The following DZIP1L variants were observed in gnomAD, a reference collection of about 807,000 sequenced individuals.
DZIP1L encodes the protein cilium assembly protein DZIP1L.
Under a neutral mutation model 88.7 loss-of-function variants are expected in DZIP1L, and 90 were observed. That is an observed-to-expected ratio of 1.02 (90% CI 0.86 to 1.21). The LOEUF (loss-of-function observed/expected upper bound fraction) is 1.21, where lower values mean the gene tolerates loss of function less well. Among genes scored for constraint, DZIP1L ranks in the 50% most tolerant of loss-of-function variants. The pLI, the probability that DZIP1L is intolerant of heterozygous loss-of-function variation, is 0.00. For synonymous variants in DZIP1L, 363 were observed against 372.1 expected, an observed-to-expected ratio of 0.98 and a Z score of 0.28; for missense variants, 932 against 955.8, an observed-to-expected ratio of 0.98 and a Z score of 0.33.
intron 10 of DZIP1L, 183 bp downstream of exon 10, chr3:138,080,384 T>C: frequency 1.8e-6 from 1 of 547,782 alleles, no homozygotes; most frequent in Non-Finnish European, 3.2e-6. Flanking sequence ...GATTGTATGT[T>C]AGTACCTGCA....
chr3:138,109,512 G>A (rs918052386), intron 1 of DZIP1L, among the ~76,000 whole-genome samples: 1 of 152,144 alleles, frequency 6.6e-6, no homozygotes, highest in African/African-American at 2.4e-5. Context: ...CACCATATGG[G>A]AGTGTAAATT....
chr3:138,115,233 C>A (rs1473111522), intron 1 of DZIP1L, 95 bp downstream of exon 1: 3 of 152,242 alleles, frequency 2.0e-5, no homozygotes, highest in Non-Finnish European at 4.4e-5. Flanking sequence ...GTTTAACCTC[C>A]CGAATCGCTG....
At chr3:138,104,144 T>A in intron 1 of DZIP1L, 92 bp from the exon 2 acceptor site, 1 of 1,213,856 alleles carries the variant, frequency 8.2e-7, no homozygotes, top group African/African-American at 1.5e-5. Flanking sequence ...CGGGGCAAAG[T>A]GAGGTGTCTG....
At chr3:138,084,392 A>C in intron 7 of DZIP1L, 139 bp from the exon 8 acceptor site, 2 of 1,193,802 alleles carry the variant, frequency 1.7e-6, no homozygotes, top group Non-Finnish European at 2.3e-6. Context: ...CTTTCTAACA[A>C]GACAACCTTC....
intron 3 of DZIP1L, among the ~76,000 whole-genome samples, chr3:138,096,155 C>T (rs1398206916): frequency 1.3e-5 from 2 of 152,066 alleles, no homozygotes; most frequent in South Asian, 4.1e-4. Context: ...TGATTTGAGG[C>T]GACTGTGGAA....
intron 11 of DZIP1L, among the ~76,000 whole-genome samples, 188 bp from the exon 12 acceptor site, chr3:138,072,023 G>A (rs1943205262): frequency 6.6e-6 from 1 of 152,214 alleles, no homozygotes; most frequent in African/African-American, 2.4e-5. Context: ...TGCTGAAAGT[G>A]CAATGGTTCA....
At chr3:138,107,254 T>C (rs2042521930) in intron 1 of DZIP1L, among the ~76,000 whole-genome samples, 1 of 152,214 alleles carries the variant, frequency 6.6e-6, no homozygotes, top group Non-Finnish European at 1.5e-5. Context: ...TCACGAAGAC[T>C]CTGCCCTCAT....
In DZIP1L at chr3:138,067,565, C is replaced by T. The variant is rs201584477; in HGVS notation, c.1968G>A (p.Ser656=). The change falls in exon 14 of 16, where the codon TCG becomes TCA. Residue 656 remains serine, a synonymous_variant. Coordinates refer to ENST00000327532, the MANE Select transcript of DZIP1L (RefSeq NM_173543.3). ...DDWDWSDTET[S]EENAQPPGQG... Reference sequence around the variant, plus strand: ...GGCCAGGGGGCTGGGCATTCTCCTCCGAGGTCTCTGTGTCAGACCAGTCCC... The same window carrying T: ...GGCCAGGGGGCTGGGCATTCTCCTCTGAGGTCTCTGTGTCAGACCAGTCCC... 67 of 1,610,480 alleles carry T rather than the reference C, an allele frequency of 4.2e-5. No homozygotes were observed. The East Asian group carries it at 6.5e-4, about 16-fold the overall frequency.
intron 3 of DZIP1L, 150 bp downstream of exon 3, chr3:138,097,613 G>A (rs918810479): frequency 1.0e-5 from 7 of 696,572 alleles, no homozygotes; most frequent in South Asian, 4.1e-5. Flanking sequence ...GGGCTCCCCC[G>A]GTGGTGGATG....
chr3:138,064,316 A>G, intron 15 of DZIP1L: 1 of 1,212,276 alleles, frequency 8.2e-7, no homozygotes. Flanking sequence ...CTGGAAGAGC[A>G]GCTGCTGCAG....
chr3:138,108,311 C>T (rs1329297668), intron 1 of DZIP1L: 6 of 778,496 alleles, frequency 7.7e-6, no homozygotes, highest in African/African-American at 1.9e-5. Context: ...GGTAATAAGA[C>T]ACCTGCTTCC....
At chr3:138,097,652 GTGAGGTT>G (rs1944541983) in intron 3 of DZIP1L, 104 bp downstream of exon 3, 2 of 978,938 alleles carry the variant, frequency 2.0e-6, no homozygotes, top group South Asian at 1.6e-5. Context: ...CAATTGGACA[GTGAGGTT>G]CTGAGAGCAG....
intron 11 of DZIP1L, among the ~76,000 whole-genome samples, chr3:138,075,785 C>G (rs1387270560): frequency 2.0e-5 from 3 of 152,110 alleles, no homozygotes; most frequent in Non-Finnish European, 2.9e-5. Flanking sequence ...CGAGACCATC[C>G]TGGCAAACAT....
intron 9 of DZIP1L, 21 bp downstream of exon 9, chr3:138,081,713 C>T: frequency 6.2e-7 from 1 of 1,609,352 alleles, no homozygotes; most frequent in Admixed American, 1.7e-5. Flanking sequence ...CTGCTACACA[C>T]TGCCCTGTGT....
intron 4 of DZIP1L, among the ~76,000 whole-genome samples, chr3:138,094,064 A>G (rs1944357389): frequency 6.6e-6 from 1 of 152,164 alleles, no homozygotes; most frequent in African/African-American, 2.4e-5. Context: ...AATCATTTCT[A>G]CCTTTTGATT....
Position 138,081,764 on chromosome 3 carries a change from T to A in DZIP1L, c.1204A>T (p.Ile402Phe), listed in dbSNP as rs200209176. The A allele has an allele frequency of 6.2e-7, 1 of 1,613,356 alleles. No homozygotes were observed. Among genetic ancestry groups the A allele is most frequent in the Non-Finnish European group, 8.5e-7 (1 of 1,179,580 alleles). Residue 402 changes from isoleucine (I) to phenylalanine (F), a missense_variant and splice_region_variant, in exon 9 of 16, where the codon ATC (isoleucine) becomes TTC (phenylalanine). Transcript: ENST00000327532. ...ARIIASQEEM[I>F]QSLSLRKVEG... ...ACCTTCCTGAGAGACAAGGACTGGATCTGCAAAGAGGTGGAATAGAGCGGG... is the reference window on the plus strand; with the variant it reads ...ACCTTCCTGAGAGACAAGGACTGGAACTGCAAAGAGGTGGAATAGAGCGGG...
chr3:138,088,546 C>G, intron 5 of DZIP1L, 39 bp from the exon 6 acceptor site: 1 of 1,603,896 alleles, frequency 6.2e-7, no homozygotes, highest in Non-Finnish European at 8.5e-7. Flanking sequence ...AGATGAAGAT[C>G]TCATCATGAT....
chr3:138,084,336 G>GC, intron 7 of DZIP1L, 83 bp from the exon 8 acceptor site: 1 of 1,516,480 alleles, frequency 6.6e-7, no homozygotes, highest in Non-Finnish European at 8.8e-7. Flanking sequence ...GCACCTGTAG[G>GC]CAAGTGCCAG....
At position 138,103,900 on chromosome 3, in the gene DZIP1L, G is replaced by A. The variant is rs768506205; in HGVS notation, c.72C>T (p.Phe24=). 6.2e-7 allele frequency: 1 copy of A among 1,613,860 alleles called. No homozygotes were observed. The highest frequency in any genetic ancestry group is 1.1e-5 in the South Asian group (1 of 91,088). The part of the protein sequence containing the change: ...PLFGAYTFPT[F]KFQPRHDSMD... ...TGCTATCATGGCGAGGCTGAAACTT[G>A]AAGGTGGGGAACGTGTAGGCCCCAA... Residue 24 remains phenylalanine, a synonymous_variant, in exon 2 of 16, where the codon TTC becomes TTT. Coordinates refer to ENST00000327532, the MANE Select transcript of DZIP1L (RefSeq NM_173543.3).
Sources: gnomAD v4.1 joint callset for allele counts (sites outside exome capture counted in the v4.1 genomes callset) on GRCh38, gnomAD v4.1.1 for gene constraint, MANE v1.5 for transcripts, NCBI Gene and HGNC (gene_info 2026-07-23, HGNC 2026-07-21) for gene names.